PPFIBP1: variants seen among roughly 807,000 people sequenced by gnomAD.
PPFIBP1 encodes liprin-beta-1.
A neutral mutation model predicts 137.8 loss-of-function variants in PPFIBP1; 112 were observed. The observed-to-expected ratio is 0.81, with a 90% CI of 0.70 to 0.95. The LOEUF is 0.95. Among genes scored for constraint, PPFIBP1 ranks in the 40% least tolerant of loss-of-function variants. The pLI is 0.00. For synonymous variants in PPFIBP1, 378 were observed against 417.3 expected, an observed-to-expected ratio of 0.91 and a Z score of 1.15; for missense variants, 1,083 against 1,196.6, an observed-to-expected ratio of 0.91 and a Z score of 1.40.
intron 2 of PPFIBP1, among the ~76,000 whole-genome samples, chr12:27,597,877 C>T (rs555529347): frequency 7.2e-5 from 11 of 152,294 alleles, no homozygotes; most frequent in Admixed American, 3.9e-4. Context: ...TGATCTCCAG[C>T]TCACTGCAAC....
At chr12:27,611,261 T>C (rs574297895) in intron 2 of PPFIBP1, among the ~76,000 whole-genome samples, 6 of 152,334 alleles carry the variant, frequency 3.9e-5, no homozygotes, top group African/African-American at 1.4e-4. Flanking sequence ...TGAAAAGTTC[T>C]GGATGCTGAA....
chr12:27,623,893 G>T (rs1402679291), intron 2 of PPFIBP1, among the ~76,000 whole-genome samples: 1 of 152,080 alleles, frequency 6.6e-6, no homozygotes, highest in East Asian at 1.9e-4. Context: ...CAAGCATTTG[G>T]TGTCCACCAC....
intron 1 of PPFIBP1, among the ~76,000 whole-genome samples, chr12:27,529,892 T>G (rs1466852841): frequency 6.6e-6 from 1 of 152,212 alleles, no homozygotes; most frequent in African/African-American, 2.4e-5. Context: ...CTGTGTTTTC[T>G]TGTATTTCCG....
intron 17 of PPFIBP1, among the ~76,000 whole-genome samples, chr12:27,675,415 T>A (rs967315969): frequency 2.6e-5 from 4 of 152,176 alleles, no homozygotes; most frequent in African/African-American, 9.7e-5. Context: ...TGTAGATATA[T>A]AGAGTAAAAT....
rs753160626 is a variant in PPFIBP1 at position 27,691,905 on chromosome 12, G to T, written c.2842G>T (p.Asp948Tyr). 12 of 1,612,484 alleles carry T rather than the reference G, an allele frequency of 7.4e-6. No individual in the cohort carries two copies. The East Asian group carries it at 2.5e-4, about 33-fold the overall frequency. The change falls in exon 28 of 30, where the codon GAT becomes TAT. Residue 948 changes from aspartate (D) to tyrosine (Y), a missense_variant. By Grantham distance (160) the Asp-to-Tyr change is radical (BLOSUM62 -3). Coordinates refer to ENST00000228425, the MANE Select transcript of PPFIBP1 (RefSeq NM_003622.4). ...PGLDMRLYEE[D>Y]DLDRLEQMED... ...TTTGGATATGCGCCTGTATGAGGAA[G>T]ATGATTTGGACCGGTTAGAGCAGGT...
rs867160780 is a variant in PPFIBP1, at chr12:27,653,332, T to G, written c.604-1390T>G. ...CGGGCACAGTGGCTCACATCTGTAA[T>G]CCCAACACTTAGGGAGTCCGAGGAG... On this transcript the variant is annotated intron_variant, in intron 7 of 29. Transcript: ENST00000228425. Among the ~76,000 whole-genome samples the G allele has an allele frequency of 1.3e-4, 20 of 152,212 alleles. No individual in the cohort carries two copies. The South Asian group carries it at 2.1e-3, about 16-fold the overall frequency.
At chr12:27,657,445 G>A (rs1284343722) in intron 9 of PPFIBP1, among the ~76,000 whole-genome samples, 3 of 149,788 alleles carry the variant, frequency 2.0e-5, no homozygotes, top group African/African-American at 7.4e-5. Context: ...TATTACGAAT[G>A]ATGACTGTGG....
Position 27,672,523 on chromosome 12 carries a change from G to T in PPFIBP1, c.1319+40G>T, listed in dbSNP as rs770468450. On this transcript the variant is annotated intron_variant, in intron 15 of 29. Coordinates refer to ENST00000228425, the MANE Select transcript of PPFIBP1 (RefSeq NM_003622.4). ...ATTGAATGTGAAAAATGTGATTGAG[G>T]CTAGAGAAAGAGAGTTCTGTTATAC... is the stretch of plus-strand genomic sequence containing the variant. 105 of 1,458,384 alleles carry T rather than the reference G, an allele frequency of 7.2e-5. 2 individuals carry two copies. In the Middle Eastern group the frequency reaches 2.8e-3, roughly 38 times the overall value. The allele number at this position is 1,458,384 out of a possible 1,614,324, so 90.3% of individuals were successfully genotyped here.
At chr12:27,638,992 G>C (rs1331712890) in intron 4 of PPFIBP1, among the ~76,000 whole-genome samples, 1 of 152,144 alleles carries the variant, frequency 6.6e-6, no homozygotes, top group Admixed American at 6.5e-5. Context: ...ACCTGGGCCA[G>C]GGAGATCCCC....
chr12:27,529,902 G>A (rs956263698), intron 1 of PPFIBP1, among the ~76,000 whole-genome samples: 6 of 152,200 alleles, frequency 3.9e-5, no homozygotes, highest in African/African-American at 1.2e-4. Flanking sequence ...TTGTATTTCC[G>A]TGCCTAGGAT....
intron 1 of PPFIBP1, among the ~76,000 whole-genome samples, chr12:27,568,555 T>A (rs1023240301): frequency 2.0e-5 from 3 of 152,214 alleles, no homozygotes; most frequent in African/African-American, 7.2e-5. Flanking sequence ...GCAGATATGA[T>A]GCCAGGATGT....
chr12:27,606,372 C>T (rs1047684347), intron 2 of PPFIBP1, among the ~76,000 whole-genome samples: 8 of 152,012 alleles, frequency 5.3e-5, no homozygotes, highest in Non-Finnish European at 8.8e-5. Flanking sequence ...AGAAGGTTGT[C>T]GGGGAGTAAG....
In PPFIBP1 at chr12:27,679,509, G is replaced by A. The variant is rs1248907338; in HGVS notation, c.1636G>A (p.Ala546Thr). The A allele has an allele frequency of 1.9e-6, 3 of 1,613,552 alleles. No homozygotes were observed. Among genetic ancestry groups the A allele is most frequent in the Non-Finnish European group, 8.5e-7 (1 of 1,179,810 alleles). The change falls in exon 20 of 30, where the codon GCA becomes ACA. Residue 546 changes from alanine (A) to threonine (T), a missense_variant. Ala to Thr is a moderately conservative substitution (Grantham distance 58). Coordinates refer to ENST00000228425, the MANE Select transcript of PPFIBP1 (RefSeq NM_003622.4). The part of the protein sequence containing the change: ...PTLAETEKET[A>T]EHLDLAGASS... ...AGTAGCTGAAACAGAAAAAGAGACAGCAGAGCACCTAGATCTGGCTGGTGC... is the reference window on the plus strand; with the variant it reads ...AGTAGCTGAAACAGAAAAAGAGACAACAGAGCACCTAGATCTGGCTGGTGC...
intron 2 of PPFIBP1, among the ~76,000 whole-genome samples, chr12:27,601,490 C>T (rs1301212044): frequency 6.6e-6 from 1 of 152,198 alleles, no homozygotes; most frequent in Non-Finnish European, 1.5e-5. Context: ...GGTTAAACTG[C>T]ATCATACCGC....
chr12:27,650,210 A>G (rs2058793581), intron 7 of PPFIBP1, 69 bp downstream of exon 7: 2 of 1,375,188 alleles, frequency 1.5e-6, no homozygotes, highest in South Asian at 3.3e-5. Context: ...TGACACACAT[A>G]CATTCCTAGG....
chr12:27,681,799 A>G (rs1440376142), intron 22 of PPFIBP1, 103 bp downstream of exon 22: 2 of 1,334,266 alleles, frequency 1.5e-6, no homozygotes, highest in Non-Finnish European at 2.0e-6. Context: ...TGAAGCCAGT[A>G]AAAACTCTGT....
intron 1 of PPFIBP1, among the ~76,000 whole-genome samples, chr12:27,560,357 G>C (rs559201524): frequency 3.9e-5 from 6 of 152,266 alleles, no homozygotes; most frequent in Non-Finnish European, 8.8e-5. Flanking sequence ...TGGATTTGGG[G>C]TTCTTTGTAG....
chr12:27,629,557 C>T (rs538358380), intron 2 of PPFIBP1, among the ~76,000 whole-genome samples: 1 of 152,080 alleles, frequency 6.6e-6, no homozygotes, highest in Non-Finnish European at 1.5e-5. Flanking sequence ...ATTATTTGTT[C>T]CATCTCTCTA....
At chr12:27,682,953 C>A (rs1029294304) in intron 24 of PPFIBP1, among the ~76,000 whole-genome samples, 15 of 152,260 alleles carry the variant, frequency 9.9e-5, no homozygotes, top group African/African-American at 3.6e-4. Flanking sequence ...TTAAACTAAG[C>A]TCTCCAGAAG....
Sources: gnomAD v4.1 joint callset for allele counts (sites outside exome capture counted in the v4.1 genomes callset) on GRCh38, gnomAD v4.1.1 for gene constraint, MANE v1.5 for transcripts, NCBI Gene and HGNC (gene_info 2026-07-23, HGNC 2026-07-21) for gene names.